PLEKHA6: variants seen among roughly 807,000 people sequenced by gnomAD.
PLEKHA6 encodes pleckstrin homology domain-containing family A member 6.
A neutral mutation model predicts 116.7 loss-of-function variants in PLEKHA6; 60 were observed. The observed-to-expected ratio is 0.51, with a 90% confidence interval of 0.42 to 0.64. The LOEUF (loss-of-function observed/expected upper bound fraction) is 0.64. PLEKHA6 is among the 30% of genes least tolerant of loss of function. The pLI, the probability that PLEKHA6 is intolerant of heterozygous loss-of-function variation, is 0.00. For synonymous variants in PLEKHA6, 489 were observed against 556.1 expected (o/e 0.88, Z 1.70); for missense variants, 1,338 against 1,422.7 (o/e 0.94, Z 0.96).
Position 204,230,532 on chromosome 1 carries a change from C to T in PLEKHA6, c.2464G>A (p.Glu822Lys), listed in dbSNP as rs754128964. 1.4e-5 allele frequency: 23 copies of T among 1,599,960 alleles called. No individual in the cohort carries two copies. The highest frequency in any genetic ancestry group is 1.9e-5 in the Non-Finnish European group (22 of 1,173,678). ...CGCCGCATTCGGTCAATCTGCTCCT[C>T]CACGCTCATCTTGACCTTCCCCTCG... Reference protein sequence around the residue: ...PGEGKVKMSVEEQIDRMRRHQ... With the variant: ...PGEGKVKMSVKEQIDRMRRHQ... Residue 822 changes from glutamate (E) to lysine (K), a missense_variant, in exon 18 of 23, where the codon GAG (glutamate) becomes AAG (lysine). Glu to Lys is a moderately conservative substitution (Grantham distance 56, BLOSUM62 1). Transcript: ENST00000272203.
At chr1:204,290,350 CAGAGT>C (rs1669617894) in intron 1 of PLEKHA6, among the ~76,000 whole-genome samples, 1 of 152,186 alleles carries the variant, frequency 6.6e-6, no homozygotes. Context: ...ATAAATGGAA[CAGAGT>C]AGAGAGTTCA....
In PLEKHA6 at chr1:204,241,316, C is replaced by A. The variant is rs571169168; in HGVS notation, c.2409+59G>T. ...GCAGAGGGAGATGAGTAGGTACACACACAGGCCCCTGGGCTCGCAGCCCAG... is the reference window on the plus strand; with the variant it reads ...GCAGAGGGAGATGAGTAGGTACACAAACAGGCCCCTGGGCTCGCAGCCCAG... On this transcript the variant is annotated intron_variant, in intron 17 of 22. Coordinates refer to ENST00000272203, the MANE Select transcript of PLEKHA6 (RefSeq NM_014935.5). 2.5e-4 allele frequency: 268 copies of A among 1,055,100 alleles called. 2 individuals carry two copies. In the African/African-American group the frequency reaches 3.4e-3, roughly 13 times the overall value. 65.4% of individuals were successfully genotyped at this position (1,055,100 alleles called of 1,614,324 possible). A position where few individuals can be genotyped will look rare whatever the true frequency, so the allele number is the denominator to read the frequency against.
At chr1:204,256,930 G>A (rs1348201970) in intron 9 of PLEKHA6, 1 of 597,118 alleles carries the variant, frequency 1.7e-6, no homozygotes, top group Admixed American at 3.0e-5. Context: ...GTCTGGCTGG[G>A]ACACGGAGTT....
chr1:204,284,523 G>C (rs749685171), intron 1 of PLEKHA6, among the ~76,000 whole-genome samples: 6 of 152,096 alleles, frequency 3.9e-5, no homozygotes, highest in Non-Finnish European at 7.4e-5. Context: ...CCTGCTGGTG[G>C]GGGATCCAAA....
At chr1:204,244,100 C>A (rs979617427) in intron 15 of PLEKHA6, among the ~76,000 whole-genome samples, 1 of 151,982 alleles carries the variant, frequency 6.6e-6, no homozygotes, top group Non-Finnish European at 1.5e-5. Flanking sequence ...GGATTACAGG[C>A]GTGAGCCACC....
At position 204,241,761 on chromosome 1, in the gene PLEKHA6, CA is replaced by C; in HGVS notation, c.2225del (p.Leu742ArgfsTer16). The C allele has an allele frequency of 6.2e-7, 1 of 1,614,076 alleles. No homozygotes were observed. Among genetic ancestry groups the C allele is most frequent in the Non-Finnish European group, 8.5e-7 (1 of 1,179,954 alleles). ...SKKDPHQTLP[L>X]DTPRDISLVP... ...CAAGGCTGATGTCTCTGGGGGTGTC[CA>C]GGGGCAATGTCTGGTGGGGGTCTTT... On this transcript the variant is annotated frameshift_variant, in exon 16 of 23. Transcript: ENST00000272203. LOFTEE classifies it high-confidence loss of function.
intron 2 of PLEKHA6, chr1:204,369,590 C>T (rs1213725875): frequency 6.6e-6 from 1 of 152,224 alleles, no homozygotes; most frequent in Non-Finnish European, 1.5e-5. Flanking sequence ...TCCACACTGC[C>T]CTCTCTGCCT....
chr1:204,302,971 AGG>A (rs1240257196), intron 1 of PLEKHA6, among the ~76,000 whole-genome samples: 1 of 152,202 alleles, frequency 6.6e-6, no homozygotes, highest in Admixed American at 6.5e-5. Context: ...TGAAGCACGG[AGG>A]GGTCTAACCT....
Position 204,228,294 on chromosome 1 carries a change from C to A in PLEKHA6, c.2886-66G>T. The A allele has an allele frequency of 6.7e-7, 1 of 1,492,804 alleles. No individual in the cohort carries two copies. The highest frequency in any genetic ancestry group is 9.0e-7 in the Non-Finnish European group (1 of 1,105,362). The allele number at this position is 1,492,804 out of a possible 1,614,324, so 92.5% of individuals were successfully genotyped here. On this transcript the variant is annotated intron_variant, in intron 20 of 22. Coordinates refer to ENST00000272203, the MANE Select transcript of PLEKHA6 (RefSeq NM_014935.5). The surrounding 1 kb of genome is among the most constrained non-coding windows in gnomAD (Gnocchi z 4.0). ...GATGGTCCAAGTGGCTTGAGGGGGC[C>A]TGCGGACTGAGGTTGGCAGGGAGGG...
At chr1:204,245,566 A>T in intron 14 of PLEKHA6, 49 bp downstream of exon 14, 1 of 1,083,454 alleles carries the variant, frequency 9.2e-7, no homozygotes, top group Non-Finnish European at 1.4e-6. Flanking sequence ...ATACTGGAGC[A>T]CTCCTGGTGA....
chr1:204,249,140 C>A, intron 11 of PLEKHA6, 44 bp downstream of exon 11: 1 of 1,542,050 alleles, frequency 6.5e-7, no homozygotes. Flanking sequence ...TCCAAGCCAG[C>A]CTCGCCCATC....
At chr1:204,347,489 G>A (rs887484350) in intron 1 of PLEKHA6, among the ~76,000 whole-genome samples, 1 of 150,662 alleles carries the variant, frequency 6.6e-6, no homozygotes. Flanking sequence ...ATTATCACTG[G>A]GTCCTGAGGT....
chr1:204,373,322 C>A (rs1294401476), intron 1 of PLEKHA6, among the ~76,000 whole-genome samples: 3 of 152,074 alleles, frequency 2.0e-5, no homozygotes, highest in Non-Finnish European at 4.4e-5. Context: ...AAACTCCTGA[C>A]CTCAAGTGCC....
At chr1:204,273,311 G>T (rs1345519080) in intron 3 of PLEKHA6, among the ~76,000 whole-genome samples, 1 of 152,214 alleles carries the variant, frequency 6.6e-6, no homozygotes, top group Non-Finnish European at 1.5e-5. Flanking sequence ...GGCATTTAGT[G>T]GGCAGAGGCC....
At chr1:204,239,894 C>T (rs1439371107) in intron 17 of PLEKHA6, among the ~76,000 whole-genome samples, 1 of 152,126 alleles carries the variant, frequency 6.6e-6, no homozygotes, top group African/African-American at 2.4e-5. Flanking sequence ...CCTAGTGATC[C>T]ACTAACAAAA....
Position 204,234,954 on chromosome 1 carries a change from TTATATATATA to T in PLEKHA6, c.2410-4378_2410-4369del, listed in dbSNP as rs61156938. ...AAGTTAATACTTAATAAACTGCCCT[TTATATATATA>T]TATATATATATATATATATATATAT... On this transcript the variant is annotated intron_variant, in intron 17 of 22. Coordinates refer to ENST00000272203, the MANE Select transcript of PLEKHA6 (RefSeq NM_014935.5). 3.1e-3 allele frequency among the ~76,000 whole-genome samples: 57 copies of T among 18,560 alleles called. 1 individual carries two copies. The highest frequency in any genetic ancestry group is 5.7e-3 in the South Asian group (2 of 350). The allele number at this position is 18,560 out of a possible 152,430, so 12.2% of individuals were successfully genotyped here.
chr1:204,347,158 T>C (rs1673088694), intron 1 of PLEKHA6: 7 of 1,124,730 alleles, frequency 6.2e-6, no homozygotes, highest in Admixed American at 3.4e-5. Flanking sequence ...ACCTTTCTTA[T>C]AGACTCGCAT....
chr1:204,245,562 G>A (rs1663533779), intron 14 of PLEKHA6, 53 bp downstream of exon 14: 2 of 1,050,172 alleles, frequency 1.9e-6, no homozygotes, highest in Admixed American at 1.7e-5. Flanking sequence ...AGAAATACTG[G>A]AGCACTCCTG....
chr1:204,309,393 GA>G (rs1281915588), intron 1 of PLEKHA6, among the ~76,000 whole-genome samples: 1 of 152,134 alleles, frequency 6.6e-6, no homozygotes, highest in Non-Finnish European at 1.5e-5. Flanking sequence ...GTCAACGATG[GA>G]CCACATATAC....
Sources: allele counts gnomAD v4.1 joint callset (sites outside exome capture counted in the v4.1 genomes callset), GRCh38; gene constraint gnomAD v4.1.1; non-coding constraint Gnocchi (gnomAD v3.1); transcripts MANE v1.5; gene names NCBI Gene and HGNC (gene_info 2026-07-23, HGNC 2026-07-21).